MICU3: variants seen among roughly 807,000 people sequenced by gnomAD.
The protein encoded by MICU3 is mitochondrial calcium uptake 3.
MICU3 carries 62 observed loss-of-function variants against 66.5 expected under a neutral mutation model. The observed-to-expected ratio is 0.93, with a 90% CI of 0.76 to 1.15. The LOEUF (loss-of-function observed/expected upper bound fraction) is 1.15. Ranked by LOEUF, MICU3 falls within the 50% of genes most tolerant of loss-of-function variation. The probability of loss-of-function intolerance (pLI) is 0.00; values close to 1 mark genes in which losing one functional copy is unlikely to be tolerated. For missense variants in MICU3, 779 were observed against 664.4 expected, an observed-to-expected ratio of 1.17 and a Z score of -1.90; for synonymous variants, 308 against 240.7, an observed-to-expected ratio of 1.28 and a Z score of -2.59.
chr8:17,030,320 A>G (rs750679748), intron 1 of MICU3, among the ~76,000 whole-genome samples: 1 of 152,198 alleles, frequency 6.6e-6, no homozygotes, highest in African/African-American at 2.4e-5. Context: ...CTTACTTGAG[A>G]ACCTCTCAGA....
chr8:17,050,143 G>C (rs185281673), intron 1 of MICU3, among the ~76,000 whole-genome samples: 13 of 151,770 alleles, frequency 8.6e-5, no homozygotes, highest in Admixed American at 8.5e-4. Flanking sequence ...TTGAATTGTC[G>C]GATCTATAGC....
intron 11 of MICU3, among the ~76,000 whole-genome samples, chr8:17,113,009 G>C (rs1802343390): frequency 1.3e-5 from 2 of 152,134 alleles, no homozygotes; most frequent in Admixed American, 1.3e-4. Flanking sequence ...ATCAATGTAA[G>C]GAAAGGAAAG....
intron 12 of MICU3, among the ~76,000 whole-genome samples, chr8:17,115,023 G>C: frequency 6.6e-6 from 1 of 150,982 alleles, no homozygotes; most frequent in Non-Finnish European, 1.5e-5. Context: ...GGAGGCTGAG[G>C]CAGGAGAATG....
In MICU3 at chr8:17,116,550, T is replaced by C; in HGVS notation, c.1474T>C (p.Tyr492His). The C allele has an allele frequency of 6.4e-7, 1 of 1,566,326 alleles. No homozygotes were observed. Among genetic ancestry groups the C allele is most frequent in the Non-Finnish European group, 8.6e-7 (1 of 1,164,192 alleles). ...FDVDKDDQLS[Y>H]KEFIGIMKDR... ...TGTTGACAAAGATGATCAATTAAGTTATAAAGAATTTATTGGAATTATGAA... is the reference window on the plus strand; with the variant it reads ...TGTTGACAAAGATGATCAATTAAGTCATAAAGAATTTATTGGAATTATGAA... Residue 492 changes from tyrosine to histidine, a missense_variant, in exon 13 of 15, where the codon TAT becomes CAT. Coordinates refer to ENST00000318063, the MANE Select transcript of MICU3 (RefSeq NM_181723.3).
chr8:17,092,858 A>T (rs1800220956), intron 8 of MICU3, among the ~76,000 whole-genome samples: 1 of 152,040 alleles, frequency 6.6e-6, no homozygotes, highest in African/African-American at 2.4e-5. Flanking sequence ...AATTAACTCA[A>T]GTGTCTAATC....
chr8:17,098,826 G>A (rs557968639), intron 9 of MICU3, among the ~76,000 whole-genome samples: 6 of 151,686 alleles, frequency 4.0e-5, no homozygotes, highest in African/African-American at 1.4e-4. Context: ...AATCTTTTAA[G>A]CTTACAATTT....
chr8:17,078,106 T>C (rs1184777084), intron 4 of MICU3, among the ~76,000 whole-genome samples: 2 of 151,946 alleles, frequency 1.3e-5, no homozygotes, highest in Non-Finnish European at 2.9e-5. Flanking sequence ...ATCTTCCAAA[T>C]TTTTTTATAT....
chr8:17,062,424 G>A (rs1395994682), intron 1 of MICU3, among the ~76,000 whole-genome samples: 1 of 152,116 alleles, frequency 6.6e-6, no homozygotes, highest in African/African-American at 2.4e-5. Context: ...TAGAAGTGGG[G>A]AGCGAAACTT....
At chr8:17,110,126 A>G (rs1310508373) in intron 11 of MICU3, among the ~76,000 whole-genome samples, 2 of 152,218 alleles carry the variant, frequency 1.3e-5, no homozygotes, top group African/African-American at 4.8e-5. Context: ...TGGCTTATAT[A>G]CACTTGAAAG....
downstream of MICU3, among the ~76,000 whole-genome samples, chr8:17,124,664 C>T (rs1029817740): frequency 6.6e-6 from 1 of 151,502 alleles, no homozygotes; most frequent in East Asian, 1.9e-4. Context: ...TCCATATTTC[C>T]TGAGAAAGTT....
chr8:17,084,761 A>G (rs1799281774), intron 5 of MICU3, among the ~76,000 whole-genome samples: 1 of 151,952 alleles, frequency 6.6e-6, no homozygotes, highest in Non-Finnish European at 1.5e-5. Context: ...TTTGTTTTAT[A>G]TTTCTGTTTT....
chr8:17,105,383 T>C, intron 10 of MICU3, 30 bp from the exon 11 acceptor site: 2 of 1,359,512 alleles, frequency 1.5e-6, no homozygotes, highest in Non-Finnish European at 2.0e-6. Context: ...TTCTTTATCT[T>C]TTTCCTTCTT....
intron 1 of MICU3, among the ~76,000 whole-genome samples, chr8:17,040,635 A>T (rs1813911152): frequency 6.6e-6 from 1 of 152,180 alleles, no homozygotes; most frequent in Non-Finnish European, 1.5e-5. Flanking sequence ...TCTCCCCCAT[A>T]AACATATGAA....
At chr8:17,042,450 T>C (rs1189396233) in intron 1 of MICU3, among the ~76,000 whole-genome samples, 1 of 152,238 alleles carries the variant, frequency 6.6e-6, no homozygotes, top group East Asian at 1.9e-4. Flanking sequence ...AGAAAATGCC[T>C]AGTCATTTGT....
chr8:17,033,659 G>T (rs796180333), intron 1 of MICU3, among the ~76,000 whole-genome samples: 9 of 152,230 alleles, frequency 5.9e-5, no homozygotes, highest in African/African-American at 2.2e-4. Context: ...GGATGGTCTT[G>T]ATGTCCTGAC....
chr8:17,067,049 C>G (rs555756895), intron 2 of MICU3, among the ~76,000 whole-genome samples: 1 of 152,076 alleles, frequency 6.6e-6, no homozygotes, highest in Non-Finnish European at 1.5e-5. Context: ...TATTTTACAA[C>G]CACAACTTCA....
chr8:17,053,393 C>A (rs150956416), intron 1 of MICU3, among the ~76,000 whole-genome samples: 2 of 152,066 alleles, frequency 1.3e-5, no homozygotes, highest in Non-Finnish European at 2.9e-5. Flanking sequence ...CCTGAAGTAA[C>A]GTGAGCCTGT....
chr8:17,124,441 T>C (rs927207390), downstream of MICU3, among the ~76,000 whole-genome samples: 1 of 152,042 alleles, frequency 6.6e-6, no homozygotes, highest in South Asian at 2.1e-4. Context: ...TATTTAAATA[T>C]GTAAGGTAAT....
At chr8:17,051,669 TGTC>T (rs1816106397) in intron 1 of MICU3, among the ~76,000 whole-genome samples, 1 of 152,156 alleles carries the variant, frequency 6.6e-6, no homozygotes, top group Non-Finnish European at 1.5e-5. Context: ...CCACCAACTG[TGTC>T]AAATGCTATA....
Sources: allele counts gnomAD v4.1 joint callset (sites outside exome capture counted in the v4.1 genomes callset), GRCh38; gene constraint gnomAD v4.1.1; transcripts MANE v1.5; gene names NCBI Gene and HGNC (gene_info 2026-07-23, HGNC 2026-07-21).